RNF38: variants seen among roughly 807,000 people sequenced by gnomAD.
RNF38 encodes the protein ring finger protein 38.
Under a neutral mutation model 67.2 loss-of-function variants are expected in RNF38, and 15 were observed. That is an observed-to-expected ratio of 0.22 (90% confidence interval 0.15 to 0.34). RNF38 has a LOEUF of 0.34. RNF38 is among the 10% of genes least tolerant of loss of function. RNF38 has a pLI of 1.00. For missense variants in RNF38, 524 were observed against 639.9 expected, an observed-to-expected ratio of 0.82 and a Z score of 1.95; for synonymous variants, 220 against 218.8, an observed-to-expected ratio of 1.01 and a Z score of -0.05.
At chr9:36,342,783 A>C (rs1255063954) in intron 10 of RNF38, among the ~76,000 whole-genome samples, 1 of 152,256 alleles carries the variant, frequency 6.6e-6, no homozygotes, top group African/African-American at 2.4e-5. Flanking sequence ...CTTAAGTGTT[A>C]AGAGCTGATC....
intron 3 of RNF38, chr9:36,372,427 A>G: frequency 1.6e-6 from 1 of 616,414 alleles, no homozygotes; most frequent in Non-Finnish European, 3.0e-6. Flanking sequence ...TCTTTGTTTT[A>G]TTGCATTTAT....
At chr9:36,352,073 G>A (rs956060279) in intron 8 of RNF38, among the ~76,000 whole-genome samples, 2 of 152,152 alleles carry the variant, frequency 1.3e-5, no homozygotes, top group Non-Finnish European at 2.9e-5. Context: ...GGTAAGATGG[G>A]CGGATCACCT....
chr9:36,441,075 G>C (rs187023442), intron 1 of RNF38, among the ~76,000 whole-genome samples: 6 of 152,194 alleles, frequency 3.9e-5, no homozygotes, highest in Admixed American at 2.0e-4. Flanking sequence ...TGGGAGAGTC[G>C]GGTCCTGGGA....
At chr9:36,400,640 G>A (rs1008295227), upstream of RNF38, 10 of 985,574 alleles carry the variant, frequency 1.0e-5, 1 homozygote, top group Middle Eastern at 5.2e-4. Flanking sequence ...CGCCCAGCCC[G>A]CGGCCAGCTC....
intron 2 of RNF38, among the ~76,000 whole-genome samples, chr9:36,384,560 G>T (rs1480406617): frequency 6.6e-6 from 1 of 152,210 alleles, no homozygotes; most frequent in Non-Finnish European, 1.5e-5. Context: ...AAGGATGCAG[G>T]ATGAAGGGCT....
intron 1 of RNF38, among the ~76,000 whole-genome samples, chr9:36,454,123 T>C (rs949767162): frequency 1.3e-5 from 2 of 151,776 alleles, no homozygotes; most frequent in Non-Finnish European, 2.9e-5. Flanking sequence ...TAAAATTCTT[T>C]CATACTTTTT....
intron 1 of RNF38, among the ~76,000 whole-genome samples, chr9:36,475,022 G>A (rs1034382006): frequency 4.3e-5 from 6 of 140,842 alleles, no homozygotes; most frequent in African/African-American, 8.0e-5. Context: ...TGCACTTGTC[G>A]TCCGAGCTAC....
Position 36,344,834 on chromosome 9 carries a change from A to G in RNF38, c.1383T>C (p.Thr461=), listed in dbSNP as rs1563994371. ...FNPNNHQSEQ[T]LCVVCMCDFE... ...TGATGTCAGAAAAATTTACTTACAA[A>G]GTCTGTTCTGACTGGTGGTTGTTAG... Residue 461 remains threonine, a splice_region_variant and synonymous_variant, in exon 10 of 12, where the codon ACT becomes ACC. Transcript: ENST00000259605. 1 of 1,612,836 alleles carries G rather than the reference A, an allele frequency of 6.2e-7. No individual in the cohort carries two copies.
At chr9:36,465,476 A>C (rs1378775865) in intron 1 of RNF38, among the ~76,000 whole-genome samples, 1 of 152,078 alleles carries the variant, frequency 6.6e-6, no homozygotes, top group African/African-American at 2.4e-5. Flanking sequence ...CCTCCCGACT[A>C]ACTGGGATTA....
chr9:36,396,880 A>G (rs1410610540), intron 1 of RNF38, among the ~76,000 whole-genome samples: 4 of 152,084 alleles, frequency 2.6e-5, no homozygotes, highest in Non-Finnish European at 4.4e-5. Context: ...TTGAGATCCA[A>G]GACAAAATTT....
rs184026076 is a variant in RNF38, at chr9:36,433,955, T to C, written n.242-9272A>G. On this transcript the variant is annotated intron_variant and non_coding_transcript_variant, in intron 1 of 3. Coordinates refer to the RNF38 transcript ENST00000488058. Reference sequence around the variant, plus strand: ...CTCAGTGAAAAATACTTATAACTTTTAGGCCAGGCGCGGTGGCTCATGCCT... The same window carrying C: ...CTCAGTGAAAAATACTTATAACTTTCAGGCCAGGCGCGGTGGCTCATGCCT... Among the ~76,000 whole-genome samples, 6 of 151,924 alleles carry C rather than the reference T, an allele frequency of 3.9e-5. No homozygotes were observed. The South Asian group carries it at 1.0e-3, about 26-fold the overall frequency.
At chr9:36,484,453 A>T (rs1246895578) in intron 1 of RNF38, among the ~76,000 whole-genome samples, 1 of 152,222 alleles carries the variant, frequency 6.6e-6, no homozygotes, top group Non-Finnish European at 1.5e-5. Flanking sequence ...TTTGTGTGAG[A>T]AATATTTCAA....
At chr9:36,487,477 C>T in exon 1 of RNF38, 1 of 977,664 alleles carries the variant, frequency 1.0e-6, no homozygotes, top group Non-Finnish European at 1.2e-6. Flanking sequence ...GCCTGGGAGA[C>T]GACGACTGAG....
intron 1 of RNF38, among the ~76,000 whole-genome samples, chr9:36,393,374 G>A (rs866598434): frequency 2.0e-5 from 3 of 152,078 alleles, no homozygotes; most frequent in African/African-American, 4.8e-5. Context: ...ATATAATGGA[G>A]AAAAGCTATA....
chr9:36,458,232 C>T lies in RNF38; in HGVS notation n.241+29076G>A, dbSNP rs148201702. On this transcript the variant is annotated intron_variant and non_coding_transcript_variant, in intron 1 of 3. Coordinates refer to the RNF38 transcript ENST00000488058. Reference sequence around the variant, plus strand: ...AAAGGATTGTAAATGCACCAATCAGCGCTCTGTGTTTAAAGGATTGTAAGC... The same window carrying T: ...AAAGGATTGTAAATGCACCAATCAGTGCTCTGTGTTTAAAGGATTGTAAGC... Among the ~76,000 whole-genome samples the T allele has an allele frequency of 7.6e-4, 115 of 152,256 alleles. 1 individual carries two copies. Among genetic ancestry groups the T allele is most frequent in the Non-Finnish European group, 5.7e-4 (39 of 68,020 alleles).
intron 1 of RNF38, among the ~76,000 whole-genome samples, chr9:36,474,624 T>G (rs1006588137): frequency 6.7e-6 from 1 of 148,172 alleles, no homozygotes; most frequent in Non-Finnish European, 1.5e-5. Flanking sequence ...TGTGCTCCAG[T>G]TTCATCTGTA....
chr9:36,348,008 G>A (rs143134485), intron 9 of RNF38, among the ~76,000 whole-genome samples: 2,133 of 152,152 alleles, frequency 0.014, 21 homozygotes, highest in Non-Finnish European at 0.02. Flanking sequence ...CCCAGGAGGC[G>A]GAGCTTGCAG....
At chr9:36,477,281 C>T (rs1398007125) in intron 1 of RNF38, among the ~76,000 whole-genome samples, 1 of 150,996 alleles carries the variant, frequency 6.6e-6, no homozygotes, top group African/African-American at 2.4e-5. Flanking sequence ...CAAGATCACA[C>T]CACTGCACTC....
intron 1 of RNF38, among the ~76,000 whole-genome samples, chr9:36,473,637 C>T (rs1455965307): frequency 6.6e-6 from 1 of 152,044 alleles, no homozygotes; most frequent in East Asian, 1.9e-4. Context: ...CTCTGATGTA[C>T]CACTCTGATG....
Sources: allele counts gnomAD v4.1 joint callset (sites outside exome capture counted in the v4.1 genomes callset), GRCh38; gene constraint gnomAD v4.1.1; transcripts MANE v1.5; gene names NCBI Gene and HGNC (gene_info 2026-07-23, HGNC 2026-07-21).